Variants in SPATA17 observed in about 807,000 individuals in gnomAD.
SPATA17 encodes spermatogenesis associated 17, also known as spermatogenesis-associated protein 17.
Under a neutral mutation model 62.2 loss-of-function variants are expected in SPATA17, and 53 were observed. The observed-to-expected ratio is 0.85, with a 90% CI of 0.68 to 1.07. The LOEUF (loss-of-function observed/expected upper bound fraction) is 1.07. Among genes scored for constraint, SPATA17 ranks in the 50% least tolerant of loss-of-function variants. The pLI, the probability that SPATA17 is intolerant of heterozygous loss-of-function variation, is 0.00. For synonymous variants in SPATA17, 146 were observed against 146.8 expected, an observed-to-expected ratio of 0.99 and a Z score of 0.04; for missense variants, 466 against 425.5, an observed-to-expected ratio of 1.10 and a Z score of -0.84.
chr1:217,794,267 A>G (rs1045477073), intron 8 of SPATA17, among the ~76,000 whole-genome samples: 1 of 152,202 alleles, frequency 6.6e-6, no homozygotes, highest in African/African-American at 2.4e-5. Flanking sequence ...TTGGGAATTA[A>G]CATCACATTA....
At chr1:217,831,496 G>A (rs1324607245) in intron 9 of SPATA17, among the ~76,000 whole-genome samples, 3 of 152,000 alleles carry the variant, frequency 2.0e-5, no homozygotes, top group Non-Finnish European at 4.4e-5. Flanking sequence ...TCCTTCCTTA[G>A]GAATGCCTCT....
At chr1:217,761,612 T>C (rs1048521155) in intron 6 of SPATA17, among the ~76,000 whole-genome samples, 7 of 152,104 alleles carry the variant, frequency 4.6e-5, no homozygotes, top group African/African-American at 9.7e-5. Flanking sequence ...TGAAGCCATA[T>C]TGGAGGTAGA....
intron 9 of SPATA17, 97 bp downstream of exon 9, chr1:217,801,947 C>T (rs55773207): frequency 0.13 from 163,458 of 1,222,246 alleles, 11,517 homozygotes; most frequent in Non-Finnish European, 0.14. Flanking sequence ...ACAATTAAGA[C>T]CTTTATGGTA....
intron 9 of SPATA17, among the ~76,000 whole-genome samples, chr1:217,804,439 A>T (rs984095311): frequency 6.6e-6 from 1 of 152,222 alleles, no homozygotes; most frequent in African/African-American, 2.4e-5. Flanking sequence ...TAAAACTACT[A>T]GAAGGAAATA....
chr1:217,702,581 G>T (rs1205534465), intron 5 of SPATA17, among the ~76,000 whole-genome samples: 1 of 152,036 alleles, frequency 6.6e-6, no homozygotes, highest in Non-Finnish European at 1.5e-5. Flanking sequence ...TTTTAAATTT[G>T]TTCCAGGATA....
At chr1:217,729,405 T>C (rs563505124) in intron 5 of SPATA17, among the ~76,000 whole-genome samples, 5 of 152,302 alleles carry the variant, frequency 3.3e-5, no homozygotes, top group Admixed American at 2.0e-4. Flanking sequence ...TCAGTAAACC[T>C]CATTTTAAAA....
At chr1:217,756,077 T>C (rs906162694) in intron 6 of SPATA17, among the ~76,000 whole-genome samples, 1 of 152,128 alleles carries the variant, frequency 6.6e-6, no homozygotes, top group Non-Finnish European at 1.5e-5. Flanking sequence ...ATATCTCCAG[T>C]TTCTCATACC....
At chr1:217,656,873 A>G (rs1670456209) in intron 3 of SPATA17, among the ~76,000 whole-genome samples, 1 of 152,168 alleles carries the variant, frequency 6.6e-6, no homozygotes, top group Non-Finnish European at 1.5e-5. Context: ...TATTACTGTT[A>G]TGTGGAGAAG....
chr1:217,722,097 T>A (rs1199592059), intron 5 of SPATA17, among the ~76,000 whole-genome samples: 1 of 152,160 alleles, frequency 6.6e-6, no homozygotes, highest in Non-Finnish European at 1.5e-5. Context: ...GGACCTGTTC[T>A]CCCAGTGGCT....
At chr1:217,675,502 G>C (rs113733895) in intron 4 of SPATA17, among the ~76,000 whole-genome samples, 3 of 152,222 alleles carry the variant, frequency 2.0e-5, no homozygotes, top group Non-Finnish European at 4.4e-5. Flanking sequence ...GAGTTCAATT[G>C]TAGGTAAATT....
rs191144762 is a variant in SPATA17 at position 217,860,454 on chromosome 1, G to A, written c.1006-2320G>A. ...ACTCTTCAATTATATTCTGCCTGCT[G>A]GATCTGCCAATTATGGATAAAGGGG... On this transcript the variant is annotated intron_variant, in intron 9 of 10. Transcript: ENST00000366933. Among the ~76,000 whole-genome samples, 365 of 152,144 alleles carry A rather than the reference G, an allele frequency of 2.4e-3. 1 individual carries two copies. Among genetic ancestry groups the A allele is most frequent in the African/African-American group, 8.5e-3 (354 of 41,504 alleles).
At chr1:217,777,175 A>G (rs1673614469) in intron 7 of SPATA17, among the ~76,000 whole-genome samples, 1 of 151,970 alleles carries the variant, frequency 6.6e-6, no homozygotes, top group African/African-American at 2.4e-5. Flanking sequence ...TTTGTGATAT[A>G]TGTTGTGTTT....
chr1:217,631,417 T>C lies in SPATA17; in HGVS notation c.39T>C (p.Thr13=). The change falls in exon 1 of 11, where the codon ACT becomes ACC. Residue 13 remains threonine (T), a synonymous_variant. Coordinates refer to ENST00000366933, the MANE Select transcript of SPATA17 (RefSeq NM_138796.4). The part of the protein sequence containing the change: ...TLARLQARSS[T]VGNQYYFRNS... Reference sequence around the variant, plus strand: ...CCCGGCTGCAAGCTAGGTCGTCGACTGTAGGAAATCAGTACTACTTTAGGA... The same window carrying C: ...CCCGGCTGCAAGCTAGGTCGTCGACCGTAGGAAATCAGTACTACTTTAGGA... 1.2e-6 allele frequency: 2 copies of C among 1,614,154 alleles called. No homozygotes were observed. Among genetic ancestry groups the C allele is most frequent in the Non-Finnish European group, 8.5e-7 (1 of 1,180,014 alleles).
At chr1:217,786,630 A>C (rs74144449) in intron 8 of SPATA17, among the ~76,000 whole-genome samples, 3,388 of 152,254 alleles carry the variant, frequency 0.022, 134 homozygotes, top group African/African-American at 0.078. Flanking sequence ...TATAAATTTG[A>C]TTGTGAGACA....
At chr1:217,647,978 C>T (rs1670227588) in intron 1 of SPATA17, among the ~76,000 whole-genome samples, 1 of 152,128 alleles carries the variant, frequency 6.6e-6, no homozygotes, top group African/African-American at 2.4e-5. Context: ...CCACCTTGGC[C>T]TCCGAGAGTG....
At chr1:217,741,262 T>C (rs1378177030) in intron 5 of SPATA17, among the ~76,000 whole-genome samples, 4 of 152,156 alleles carry the variant, frequency 2.6e-5, no homozygotes, top group Non-Finnish European at 5.9e-5. Context: ...TTAGCAGATG[T>C]TTTCACATAG....
chr1:217,681,659 A>C (rs1192450846), intron 4 of SPATA17, among the ~76,000 whole-genome samples: 1 of 152,116 alleles, frequency 6.6e-6, no homozygotes, highest in East Asian at 1.9e-4. Flanking sequence ...GGCCTCCCAA[A>C]GTCCTGGGAT....
chr1:217,809,598 G>A (rs1474405241), intron 9 of SPATA17, among the ~76,000 whole-genome samples: 1 of 152,020 alleles, frequency 6.6e-6, no homozygotes, highest in Non-Finnish European at 1.5e-5. Context: ...AAACCCTTGA[G>A]GGAATGAATC....
At chr1:217,748,695 G>A (rs961345881) in intron 6 of SPATA17, among the ~76,000 whole-genome samples, 1 of 143,576 alleles carries the variant, frequency 7.0e-6, no homozygotes, top group Non-Finnish European at 1.5e-5. Flanking sequence ...AGTGAGCCGA[G>A]ATCACGCCAC....
Sources: allele counts gnomAD v4.1 joint callset (sites outside exome capture counted in the v4.1 genomes callset), GRCh38; gene constraint gnomAD v4.1.1; transcripts MANE v1.5; gene names NCBI Gene and HGNC (gene_info 2026-07-23, HGNC 2026-07-21).